TBC1D22A: variants seen among roughly 807,000 people sequenced by gnomAD.
TBC1D22A encodes putative GTPase activator.
In TBC1D22A, 38 loss-of-function variants were observed where a neutral mutation model predicts 60.2. That is an observed-to-expected ratio of 0.63 (90% confidence interval 0.49 to 0.83). TBC1D22A has a LOEUF of 0.83. Among genes scored for constraint, TBC1D22A ranks in the 40% least tolerant of loss-of-function variants. The pLI, the probability that TBC1D22A is intolerant of heterozygous loss-of-function variation, is 0.00. For synonymous variants in TBC1D22A, 302 were observed against 281.7 expected (o/e 1.07, Z -0.72); for missense variants, 628 against 701.0 (o/e 0.90, Z 1.18).
chr22:47,118,000 A>G (rs1449207959), intron 12 of TBC1D22A, among the ~76,000 whole-genome samples: 1 of 152,038 alleles, frequency 6.6e-6, no homozygotes, highest in Non-Finnish European at 1.5e-5. Context: ...GTGGGCGCCT[A>G]TAATCCCAGC....
In TBC1D22A at chr22:46,793,853, G is replaced by A; in HGVS notation, c.460+12G>A. The A allele has an allele frequency of 4.6e-6, 7 of 1,535,988 alleles. No homozygotes were observed. Among genetic ancestry groups the A allele is most frequent in the South Asian group, 1.2e-5 (1 of 81,098 alleles). On this transcript the variant is annotated intron_variant, in intron 3 of 12. Transcript: ENST00000337137. ...GTCCTGTCCTGCAGGTACGATGGGA[G>A]GACTGAAGAGATGGTCTGGGTTTCT...
chr22:46,786,401 T>TG (rs1289818665), intron 1 of TBC1D22A, among the ~76,000 whole-genome samples: 2 of 152,206 alleles, frequency 1.3e-5, no homozygotes, highest in African/African-American at 4.8e-5. Flanking sequence ...TATGTGTTGT[T>TG]GGATTTGGTT....
intron 4 of TBC1D22A, among the ~76,000 whole-genome samples, chr22:46,816,571 T>G (rs530717314): frequency 1.3e-5 from 2 of 152,156 alleles, no homozygotes; most frequent in Admixed American, 6.5e-5. Flanking sequence ...TGGGGCACAT[T>G]GTGTGTGAGG....
intron 4 of TBC1D22A, among the ~76,000 whole-genome samples, chr22:46,823,964 G>T (rs77961422): frequency 3.9e-4 from 59 of 152,360 alleles, no homozygotes; most frequent in African/African-American, 1.4e-3. Context: ...CAGGGCGACA[G>T]TGCCAGCCCG....
chr22:46,976,170 A>C (rs570819476), intron 9 of TBC1D22A, among the ~76,000 whole-genome samples: 1 of 152,160 alleles, frequency 6.6e-6, no homozygotes, highest in East Asian at 1.9e-4. Flanking sequence ...TCTGCCCTCT[A>C]TTTGTAAATA....
intron 4 of TBC1D22A, among the ~76,000 whole-genome samples, chr22:46,813,363 G>A (rs1304221355): frequency 1.3e-5 from 2 of 152,120 alleles, no homozygotes; most frequent in Non-Finnish European, 2.9e-5. Flanking sequence ...TTAGTATGCG[G>A]CATTTAATTT....
intron 11 of TBC1D22A, among the ~76,000 whole-genome samples, chr22:47,072,183 G>A (rs947655481): frequency 2.0e-5 from 3 of 152,264 alleles, no homozygotes; most frequent in African/African-American, 4.8e-5. Flanking sequence ...AAAAAGAGGA[G>A]TGGGGCAGAG....
intron 12 of TBC1D22A, among the ~76,000 whole-genome samples, chr22:47,161,865 G>A (rs1384608812): frequency 6.6e-6 from 1 of 152,266 alleles, no homozygotes; most frequent in Non-Finnish European, 1.5e-5. Context: ...AGATGTCCCT[G>A]GGGATAACTG....
intron 4 of TBC1D22A, among the ~76,000 whole-genome samples, chr22:46,822,740 G>A (rs1268662836): frequency 6.6e-6 from 1 of 152,162 alleles, no homozygotes; most frequent in Non-Finnish European, 1.5e-5. Flanking sequence ...TGGGGAGCAG[G>A]ACCCGCTTAA....
At chr22:46,853,256 C>T (rs1040171557) in intron 4 of TBC1D22A, among the ~76,000 whole-genome samples, 5 of 152,180 alleles carry the variant, frequency 3.3e-5, no homozygotes, top group African/African-American at 4.8e-5. Flanking sequence ...TCATATTTCT[C>T]ACCTGCTGTG....
chr22:46,766,541 CTT>C (rs1272656772), intron 1 of TBC1D22A, among the ~76,000 whole-genome samples: 2 of 151,890 alleles, frequency 1.3e-5, no homozygotes, highest in African/African-American at 4.8e-5. Flanking sequence ...TAGTTCAACT[CTT>C]TTTTATTTTT....
intron 5 of TBC1D22A, among the ~76,000 whole-genome samples, chr22:46,881,203 T>A (rs1405494605): frequency 6.6e-6 from 1 of 152,208 alleles, no homozygotes; most frequent in African/African-American, 2.4e-5. Context: ...CCTGTGTTTC[T>A]GGAAGAGTAA....
chr22:46,996,431 C>T (rs1252231594), intron 9 of TBC1D22A, among the ~76,000 whole-genome samples: 4 of 152,244 alleles, frequency 2.6e-5, no homozygotes, highest in African/African-American at 7.2e-5. Flanking sequence ...AGGCACAGTG[C>T]CCGTTGTTTC....
chr22:46,939,122 T>G (rs1483552881), intron 8 of TBC1D22A, among the ~76,000 whole-genome samples: 1 of 150,120 alleles, frequency 6.7e-6, no homozygotes, highest in Non-Finnish European at 1.5e-5. Flanking sequence ...GAATTTAGAA[T>G]TTTTTATTTT....
At chr22:46,773,947 A>G (rs564991492) in intron 1 of TBC1D22A, 2 of 985,498 alleles carry the variant, frequency 2.0e-6, no homozygotes, top group East Asian at 1.1e-4. Context: ...GCCCTTACCC[A>G]TCACAGCCTC....
intron 8 of TBC1D22A, among the ~76,000 whole-genome samples, chr22:46,972,660 A>G (rs970365089): frequency 2.6e-5 from 4 of 152,148 alleles, no homozygotes; most frequent in Non-Finnish European, 5.9e-5. Flanking sequence ...CGGCTGCTGA[A>G]GGGTCCAGGG....
chr22:47,091,623 G>A lies in TBC1D22A; in HGVS notation c.1330-19885G>A, dbSNP rs1337015803. On this transcript the variant is annotated intron_variant, in intron 11 of 12. Transcript: ENST00000337137. ...AAGTCGTCTTTCGGGGAGTGGCCTC[G>A]CTGAGCTTCTTCTCAGGTCCTGTGC... 3.3e-5 allele frequency among the ~76,000 whole-genome samples: 5 copies of A among 152,016 alleles called. No individual in the cohort carries two copies. In the East Asian group the frequency reaches 5.8e-4, roughly 18 times the overall value.
intron 11 of TBC1D22A, among the ~76,000 whole-genome samples, chr22:47,041,277 C>T (rs571854164): frequency 7.2e-5 from 11 of 152,336 alleles, no homozygotes; most frequent in South Asian, 6.2e-4. Context: ...GCGCTCCTCA[C>T]GCAGGGCTGG....
Position 46,797,500 on chromosome 22 carries a change from A to C in TBC1D22A, c.517A>C (p.Thr173Pro). The C allele has an allele frequency of 8.1e-6, 13 of 1,613,846 alleles. No individual in the cohort carries two copies. Among genetic ancestry groups the C allele is most frequent in the Non-Finnish European group, 1.1e-5 (13 of 1,179,992 alleles). ...GTCCCAGTCTCTCCCACACTCGGCC[A>C]CCGTCACGCTGGGTGGCACATCTGA... ...QRSQSLPHSA[T>P]VTLGGTSDPS... Residue 173 changes from threonine to proline, a missense_variant, in exon 4 of 13, where the codon ACC becomes CCC. Physicochemically the swap from Thr to Pro is conservative, Grantham distance 38. Transcript: ENST00000337137.
Sources: gnomAD v4.1 joint callset for allele counts (sites outside exome capture counted in the v4.1 genomes callset) on GRCh38, gnomAD v4.1.1 for gene constraint, MANE v1.5 for transcripts, NCBI Gene and HGNC (gene_info 2026-07-23, HGNC 2026-07-21) for gene names.